CNTNAP2: variants seen among roughly 807,000 people sequenced by gnomAD.
CNTNAP2 encodes contactin-associated protein-like 2.
Under a neutral mutation model 155.2 loss-of-function variants are expected in CNTNAP2, and 98 were observed. The ratio of observed to expected loss-of-function variants is 0.63; its 90% CI spans 0.54 to 0.75. CNTNAP2 has a LOEUF of 0.75. Ranked by LOEUF, CNTNAP2 falls within the 30% of genes least tolerant of loss-of-function variation. CNTNAP2 has a pLI of 0.00. For missense variants in CNTNAP2, 1,727 were observed against 1,688.1 expected (o/e 1.02, Z -0.40); for synonymous variants, 651 against 631.2 (o/e 1.03, Z -0.47).
In CNTNAP2 at chr7:146,284,539, T is replaced by C. The variant is rs10238125; in HGVS notation, c.97+167566T>C. Among the ~76,000 whole-genome samples, 1,097 of 152,316 alleles carry C rather than the reference T, an allele frequency of 7.2e-3. 8 individuals carry two copies. Among genetic ancestry groups the C allele is most frequent in the African/African-American group, 0.025 (1,055 of 41,582 alleles). The stretch of plus-strand genomic sequence containing the variant: ...TCTTTTGATTTTAAATTCTATATTT[T>C]TCTAGCTTCCAGTTTTAGTTGCACA... On this transcript the variant is annotated intron_variant, in intron 1 of 23. Coordinates refer to ENST00000361727, the MANE Select transcript of CNTNAP2 (RefSeq NM_014141.6).
intron 10 of CNTNAP2, among the ~76,000 whole-genome samples, chr7:147,480,923 A>G (rs1260628859): frequency 2.6e-5 from 4 of 152,202 alleles, no homozygotes; most frequent in African/African-American, 9.7e-5. Context: ...AAGATTTTCA[A>G]GAGATTCCTA....
chr7:146,795,366 A>G (rs755687243), intron 2 of CNTNAP2, among the ~76,000 whole-genome samples: 6 of 152,198 alleles, frequency 3.9e-5, no homozygotes, highest in African/African-American at 4.8e-5. Flanking sequence ...CTCGCAAATC[A>G]ACATTCATGG....
intron 10 of CNTNAP2, among the ~76,000 whole-genome samples, chr7:147,447,655 C>T (rs1320321049): frequency 2.6e-5 from 4 of 152,208 alleles, no homozygotes; most frequent in Non-Finnish European, 5.9e-5. Flanking sequence ...CTGGACCTCA[C>T]GTGATCTGCC....
chr7:148,026,090 C>T (rs1802369916), intron 15 of CNTNAP2, among the ~76,000 whole-genome samples: 1 of 152,138 alleles, frequency 6.6e-6, no homozygotes, highest in African/African-American at 2.4e-5. Context: ...ACAAAGCAGG[C>T]AGATTTACAT....
intron 1 of CNTNAP2, among the ~76,000 whole-genome samples, chr7:146,697,093 A>G (rs2129172522): frequency 6.6e-6 from 1 of 152,324 alleles, no homozygotes; most frequent in African/African-American, 2.4e-5. Context: ...GGGGTATCAT[A>G]GTCTTCAACC....
intron 8 of CNTNAP2, among the ~76,000 whole-genome samples, chr7:147,223,977 GA>G (rs1410714844): frequency 4.7e-5 from 7 of 149,848 alleles, no homozygotes; most frequent in African/African-American, 1.7e-4. Context: ...AAAAAGAAAA[GA>G]AAAAAGAAAA....
At chr7:146,782,822 A>G (rs1310201090) in intron 2 of CNTNAP2, among the ~76,000 whole-genome samples, 1 of 152,208 alleles carries the variant, frequency 6.6e-6, no homozygotes, top group Non-Finnish European at 1.5e-5. Context: ...AGTTACTCCC[A>G]GCTTCTAAAA....
chr7:146,363,777 G>C (rs1233128099), intron 1 of CNTNAP2, among the ~76,000 whole-genome samples: 1 of 152,184 alleles, frequency 6.6e-6, no homozygotes, highest in Non-Finnish European at 1.5e-5. Flanking sequence ...ACTTAGAACA[G>C]GGAGGCAGCT....
At chr7:147,423,636 G>A (rs1385773969) in intron 10 of CNTNAP2, among the ~76,000 whole-genome samples, 1 of 152,020 alleles carries the variant, frequency 6.6e-6, no homozygotes, top group East Asian at 1.9e-4. Flanking sequence ...CAATATCCAT[G>A]TAGACCATTC....
intron 21 of CNTNAP2, among the ~76,000 whole-genome samples, chr7:148,329,668 T>C (rs1253846216): frequency 1.3e-5 from 2 of 152,166 alleles, no homozygotes; most frequent in Non-Finnish European, 2.9e-5. Flanking sequence ...TTTTTTCTGA[T>C]CAATAGTCCC....
At chr7:146,985,605 C>T (rs1415723102) in intron 3 of CNTNAP2, among the ~76,000 whole-genome samples, 2 of 152,102 alleles carry the variant, frequency 1.3e-5, no homozygotes, top group East Asian at 3.9e-4. Context: ...CAGGCGTAAG[C>T]CACTGAATTT....
At chr7:146,253,256 G>GA (rs1330068091) in intron 1 of CNTNAP2, among the ~76,000 whole-genome samples, 1 of 152,052 alleles carries the variant, frequency 6.6e-6, no homozygotes, top group Non-Finnish European at 1.5e-5. Context: ...TCTCCACTTG[G>GA]AATGGCTTTT....
At chr7:148,226,473 G>C (rs550204883) in intron 19 of CNTNAP2, among the ~76,000 whole-genome samples, 1 of 152,026 alleles carries the variant, frequency 6.6e-6, no homozygotes, top group African/African-American at 2.4e-5. Flanking sequence ...ACCAAGGAAC[G>C]ACCGTCTCCC....
At chr7:146,141,501 T>C (rs1355516186) in intron 1 of CNTNAP2, among the ~76,000 whole-genome samples, 3 of 152,134 alleles carry the variant, frequency 2.0e-5, no homozygotes, top group African/African-American at 7.2e-5. Flanking sequence ...ATAAGAAATA[T>C]AGTTTTCATT....
intron 18 of CNTNAP2, among the ~76,000 whole-genome samples, chr7:148,184,336 GTCT>G: frequency 6.6e-6 from 1 of 152,126 alleles, no homozygotes; most frequent in East Asian, 1.9e-4. Flanking sequence ...GTTAAAAGAG[GTCT>G]TCTAAAAACT....
At chr7:147,348,535 T>C (rs1795916873) in intron 9 of CNTNAP2, among the ~76,000 whole-genome samples, 1 of 152,032 alleles carries the variant, frequency 6.6e-6, no homozygotes, top group South Asian at 2.1e-4. Context: ...AACTCTTATA[T>C]GCTATTGGTA....
At chr7:147,894,438 G>A (rs567597678) in intron 13 of CNTNAP2, among the ~76,000 whole-genome samples, 2 of 152,258 alleles carry the variant, frequency 1.3e-5, no homozygotes, top group East Asian at 3.9e-4. Flanking sequence ...CAGAGCCTGG[G>A]AAGGACTGCC....
chr7:146,520,272 A>G lies in CNTNAP2; in HGVS notation c.98-253999A>G, dbSNP rs908640197. Among the ~76,000 whole-genome samples the G allele has an allele frequency of 6.1e-5, 9 of 147,312 alleles. 2 individuals are homozygous for G. The East Asian group carries it at 1.6e-3, about 26-fold the overall frequency. On this transcript the variant is annotated intron_variant, in intron 1 of 23. Transcript: ENST00000361727. ...TATTACAGTATTCGGGCATTGTTAT[A>G]TATACATTATAAAATATATATCTAG...
At chr7:147,340,679 T>G (rs1795746522) in intron 9 of CNTNAP2, among the ~76,000 whole-genome samples, 1 of 152,160 alleles carries the variant, frequency 6.6e-6, no homozygotes, top group African/African-American at 2.4e-5. Context: ...CAGTGACATA[T>G]TCTGTCATTG....
Sources: allele counts gnomAD v4.1 joint callset (sites outside exome capture counted in the v4.1 genomes callset), GRCh38; gene constraint gnomAD v4.1.1; transcripts MANE v1.5; gene names NCBI Gene and HGNC (gene_info 2026-07-23, HGNC 2026-07-21).